The following TAF4 variants were observed in gnomAD, a reference collection of about 807,000 sequenced individuals.
TAF4 encodes the protein TATA-box binding protein associated factor 4, also known as transcription initiation factor TFIID subunit 4.
A neutral mutation model predicts 90.3 loss-of-function variants in TAF4; 9 were observed. The observed-to-expected ratio is 0.10, with a 90% CI of 0.06 to 0.17. TAF4 has a LOEUF of 0.17. TAF4 is among the 10% of genes least tolerant of loss of function. The pLI, the probability that TAF4 is intolerant of heterozygous loss-of-function variation, is 1.00. For synonymous variants in TAF4, 818 were observed against 638.9 expected (o/e 1.28, Z -4.23); for missense variants, 1,351 against 1,370.7 (o/e 0.99, Z 0.23).
chr20:62,004,288 T>C, intron 7 of TAF4, among the ~76,000 whole-genome samples: 1 of 151,706 alleles, frequency 6.6e-6, no homozygotes, highest in Non-Finnish European at 1.5e-5. Context: ...ACAGGTCAAG[T>C]GGTTCTATCT....
intron 1 of TAF4, among the ~76,000 whole-genome samples, chr20:62,057,663 TCGGGGGGCCAACC>T: frequency 2.2e-5 from 1 of 46,484 alleles, no homozygotes; most frequent in Non-Finnish European, 4.3e-5. Context: ...ACAATGGGGC[TCGGGGGGCCAACC>T]TCAGCAAGAC....
intron 14 of TAF4, among the ~76,000 whole-genome samples, chr20:61,991,721 AAGAAC>A (rs1265597485): frequency 6.6e-6 from 1 of 152,194 alleles, no homozygotes; most frequent in Non-Finnish European, 1.5e-5. Flanking sequence ...AAAGAAACAA[AAGAAC>A]AGAACAAACA....
intron 14 of TAF4, among the ~76,000 whole-genome samples, chr20:61,987,250 A>G (rs1333446899): frequency 6.6e-6 from 1 of 152,174 alleles, no homozygotes; most frequent in East Asian, 1.9e-4. Flanking sequence ...CAAGGACCAG[A>G]GCTCTCCAGC....
chr20:61,998,230 G>T, intron 12 of TAF4, 38 bp from the exon 13 acceptor site: 2 of 1,589,876 alleles, frequency 1.3e-6, no homozygotes, highest in South Asian at 1.1e-5. Context: ...AGTAAGTTAT[G>T]AACTAAATGT....
chr20:62,001,618 T>A (rs1197529691), intron 9 of TAF4, among the ~76,000 whole-genome samples: 1 of 152,150 alleles, frequency 6.6e-6, no homozygotes, highest in African/African-American at 2.4e-5. Flanking sequence ...GCAGTTCTCA[T>A]GCCCAGTCCT....
At chr20:62,008,380 A>G (rs2123140872) in intron 5 of TAF4, among the ~76,000 whole-genome samples, 1 of 152,284 alleles carries the variant, frequency 6.6e-6, no homozygotes, top group Middle Eastern at 3.4e-3. Flanking sequence ...CTGAGCCACG[A>G]GACAGCCATG....
chr20:62,038,040 GT>G (rs1274919592), intron 1 of TAF4: 1 of 150,886 alleles, frequency 6.6e-6, no homozygotes, highest in African/African-American at 2.4e-5. Context: ...TTTTTTTTTG[GT>G]TTTTTGAGAC....
intron 1 of TAF4, among the ~76,000 whole-genome samples, chr20:62,045,444 C>T (rs2055987728): frequency 6.6e-6 from 1 of 152,216 alleles, no homozygotes; most frequent in South Asian, 2.1e-4. Context: ...GCGCAGAATC[C>T]CTGCACGTGC....
At chr20:61,976,546 G>A (rs1018102093) in intron 14 of TAF4, among the ~76,000 whole-genome samples, 2 of 152,224 alleles carry the variant, frequency 1.3e-5, no homozygotes, top group African/African-American at 4.8e-5. Flanking sequence ...GCACCTTCAG[G>A]ACAGGGCACA....
At chr20:62,038,237 C>T (rs1195050827) in intron 1 of TAF4, among the ~76,000 whole-genome samples, 3 of 151,998 alleles carry the variant, frequency 2.0e-5, no homozygotes, top group African/African-American at 7.3e-5. Flanking sequence ...CAGTGTTAGC[C>T]AGGATGGTGT....
intron 14 of TAF4, among the ~76,000 whole-genome samples, chr20:61,993,571 G>A (rs2055645148): frequency 6.6e-6 from 1 of 152,204 alleles, no homozygotes; most frequent in Non-Finnish European, 1.5e-5. Flanking sequence ...AGGACGGCAA[G>A]GCTAACCAGT....
Position 62,065,129 on chromosome 20 carries a change from G to A in TAF4, c.682C>T (p.Leu228=), listed in dbSNP as rs1186975600. Residue 228 remains leucine, a synonymous_variant, in exon 1 of 15, where the codon CTG becomes TTG. Coordinates refer to ENST00000252996, the MANE Select transcript of TAF4 (RefSeq NM_003185.4). ...GTGCCGGGGGCGGCGGGCTTGGGCA[G>A]CGGCAGCAGCGCGGCGGGCCCGTTG... The part of the protein sequence containing the change: ...VNNGPAALLP[L]PKPAAPGTVI... 8.6e-7 allele frequency: 1 copy of A among 1,168,630 alleles called. No homozygotes were observed. Among genetic ancestry groups the A allele is most frequent in the Admixed American group, 3.0e-5 (1 of 33,494 alleles). 72.4% of individuals were successfully genotyped at this position (1,168,630 alleles called of 1,614,324 possible).
At chr20:62,028,463 G>A (rs1376072806) in intron 1 of TAF4, among the ~76,000 whole-genome samples, 3 of 152,190 alleles carry the variant, frequency 2.0e-5, no homozygotes, top group East Asian at 1.9e-4. Context: ...TGAAACCCAC[G>A]TACACAGAGG....
intron 1 of TAF4, among the ~76,000 whole-genome samples, chr20:62,029,429 G>A (rs970029970): frequency 3.3e-5 from 5 of 152,078 alleles, no homozygotes; most frequent in African/African-American, 7.2e-5. Flanking sequence ...GAAGCCCTTC[G>A]AAGGGAGCCC....
At chr20:61,993,323 G>A (rs1194574818) in intron 14 of TAF4, among the ~76,000 whole-genome samples, 1 of 152,142 alleles carries the variant, frequency 6.6e-6, no homozygotes, top group African/African-American at 2.4e-5. Context: ...GCCAGAGTTG[G>A]AGGAGTCTCT....
Position 62,006,563 on chromosome 20 carries a change from G to A in TAF4, c.2170C>T (p.Leu724Phe), listed in dbSNP as rs2055746709. 6.3e-7 allele frequency: 1 copy of A among 1,586,866 alleles called. No homozygotes were observed. The highest frequency in any genetic ancestry group is 1.4e-5 in the African/African-American group (1 of 73,388). ...TSALQPPVLS[L>F]TQPTQVGVGK... ...ACGCCGACCTGCGTGGGCTGCGTGA[G>A]GCTGAGCACAGGGGGCTGGAGGGCA... Residue 724 changes from leucine to phenylalanine, a missense_variant, in exon 7 of 15, where the codon CTC becomes TTC. This residue lies in a region of TAF4 where 202 missense variants were observed against 229.7 expected (regional missense o/e 0.88). Transcript: ENST00000252996. The surrounding 1 kb of genome is among the most constrained non-coding windows in gnomAD (Gnocchi z 7.0).
At chr20:62,041,873 C>G (rs1218065512) in intron 1 of TAF4, among the ~76,000 whole-genome samples, 1 of 151,760 alleles carries the variant, frequency 6.6e-6, no homozygotes, top group Non-Finnish European at 1.5e-5. Flanking sequence ...GTTCAAGGCA[C>G]CACTGCACTC....
chr20:61,984,814 A>G (rs2055573490), intron 14 of TAF4, among the ~76,000 whole-genome samples: 2 of 148,696 alleles, frequency 1.3e-5, no homozygotes, highest in South Asian at 2.2e-4. Context: ...GCAGGAGCTC[A>G]TCTGTTTGCA....
Position 62,000,030 on chromosome 20 carries a change from C to T in TAF4, c.2787+94G>A, listed in dbSNP as rs376965491. ...GAACATGGAGGCACTTGGGACCCAC[C>T]GCCCTCTGCCTCGGTGTGGGGAGGA... On this transcript the variant is annotated intron_variant, in intron 11 of 14. Coordinates refer to ENST00000252996, the MANE Select transcript of TAF4 (RefSeq NM_003185.4). 9.7e-6 allele frequency: 15 copies of T among 1,547,078 alleles called. No individual in the cohort carries two copies. The East Asian group carries it at 1.3e-4, about 14-fold the overall frequency.
Sources: gnomAD v4.1 joint callset for allele counts (sites outside exome capture counted in the v4.1 genomes callset) on GRCh38, gnomAD v4.1.1 for gene constraint, gnomAD v4.1.1 regional missense constraint, Gnocchi (gnomAD v3.1) non-coding constraint, MANE v1.5 for transcripts, NCBI Gene and HGNC (gene_info 2026-07-23, HGNC 2026-07-21) for gene names.